The following IGF2R variants were observed in gnomAD, a reference collection of about 807,000 sequenced individuals.
IGF2R encodes the protein cation-independent mannose-6-phosphate receptor.
Under a neutral mutation model 270.6 loss-of-function variants are expected in IGF2R, and 91 were observed. The ratio of observed to expected loss-of-function variants is 0.34; its 90% confidence interval spans 0.28 to 0.40. The LOEUF (loss-of-function observed/expected upper bound fraction) is 0.40, where lower values mean the gene tolerates loss of function less well. Ranked by LOEUF, IGF2R falls within the 10% of genes least tolerant of loss-of-function variation. IGF2R has a pLI of 1.00. For missense variants in IGF2R, 2,805 were observed against 3,188.3 expected (o/e 0.88, Z 2.90); for synonymous variants, 1,316 against 1,258.9 (o/e 1.05, Z -0.96).
intron 35 of IGF2R, 86 bp downstream of exon 35, chr6:160,074,061 A>G: frequency 4.4e-6 from 4 of 902,646 alleles, no homozygotes; most frequent in Non-Finnish European, 7.0e-6. Context: ...TTCAGTGGGG[A>G]GTTGCTCAAG....
Position 160,089,096 on chromosome 6 carries a change from C to T in IGF2R, c.6321-11C>T, listed in dbSNP as rs1368810832. ...GGGAAGTGACTGTAGCCTGTGCTTC[C>T]CTCCTCCTAGGTTTGATATCGACAG... On this transcript the variant is annotated splice_polypyrimidine_tract_variant and intron_variant, in intron 42 of 47. Coordinates refer to ENST00000356956, the MANE Select transcript of IGF2R (RefSeq NM_000876.4). 6.2e-7 allele frequency: 1 copy of T among 1,610,026 alleles called. No homozygotes were observed. Among genetic ancestry groups the T allele is most frequent in the East Asian group, 2.2e-5 (1 of 44,730 alleles).
At chr6:160,049,898 C>T (rs572991473) in intron 18 of IGF2R, among the ~76,000 whole-genome samples, 12 of 152,134 alleles carry the variant, frequency 7.9e-5, no homozygotes, top group African/African-American at 2.2e-4. Context: ...GTAGGGCAGG[C>T]GAATGAGGAG....
intron 13 of IGF2R, 149 bp from the exon 14 acceptor site, chr6:160,045,596 G>A (rs1778050812): frequency 2.3e-6 from 2 of 854,530 alleles, no homozygotes; most frequent in Non-Finnish European, 3.9e-6. Flanking sequence ...GAATGCTACA[G>A]TATTTGTAGG....
At chr6:160,012,316 CAG>C (rs747627270) in intron 4 of IGF2R, among the ~76,000 whole-genome samples, 3 of 152,076 alleles carry the variant, frequency 2.0e-5, no homozygotes, top group Non-Finnish European at 1.5e-5. Context: ...GGTGGGAGCA[CAG>C]TGTGTTCATT....
intron 1 of IGF2R, among the ~76,000 whole-genome samples, chr6:159,978,010 T>C (rs1399288607): frequency 6.6e-6 from 1 of 152,178 alleles, no homozygotes; most frequent in Non-Finnish European, 1.5e-5. Context: ...GTGGTAGCAG[T>C]TGCTTTATCT....
At position 160,089,932 on chromosome 6, in the gene IGF2R, G is replaced by A; in HGVS notation, c.6484G>A (p.Gly2162Arg). Residue 2162 changes from glycine (G) to arginine (R), a missense_variant, in exon 44 of 48, where the codon GGG (glycine) becomes AGG (arginine). Physicochemically the swap from Gly to Arg is moderately radical, Grantham distance 125. This residue lies in a region of IGF2R where 1,851 missense variants were observed against 2,207.2 expected (regional missense o/e 0.84). Transcript: ENST00000356956. ...TCTCTTCAGGCTGTTCAGAGCCTCTGGGGACATGAGGACCAATGGGGACAA... is the reference window on the plus strand; with the variant it reads ...TCTCTTCAGGCTGTTCAGAGCCTCTAGGGACATGAGGACCAATGGGGACAA... ...DIYFKLFRAS[G>R]DMRTNGDNYL... The A allele has an allele frequency of 6.3e-7, 1 of 1,587,338 alleles. No individual in the cohort carries two copies. Among genetic ancestry groups the A allele is most frequent in the South Asian group, 1.2e-5 (1 of 86,826 alleles).
rs544961223 is a variant in IGF2R at position 160,068,210 on chromosome 6, C to T, written c.4116-39C>T. On this transcript the variant is annotated intron_variant, in intron 29 of 47. Coordinates refer to ENST00000356956, the MANE Select transcript of IGF2R (RefSeq NM_000876.4). ...GAGTGCCCAATGTTTAAAGAGAATA[C>T]GACCAAGCCTAACTAACTGCGGGTT... is the stretch of plus-strand genomic sequence containing the variant. 1.7e-5 allele frequency: 28 copies of T among 1,605,652 alleles called. No homozygotes were observed. In the South Asian group the frequency reaches 2.1e-4, roughly 12 times the overall value.
chr6:160,039,210 C>T (rs898788977), intron 10 of IGF2R, among the ~76,000 whole-genome samples: 1 of 152,180 alleles, frequency 6.6e-6, no homozygotes, highest in Non-Finnish European at 1.5e-5. Context: ...CCTATTGGCT[C>T]CTGGGCTACA....
rs1308047456 is a variant in IGF2R, at chr6:160,106,777, C to T, written c.*1693C>T. The T allele has an allele frequency of 2.0e-5, 3 of 152,184 alleles. No homozygotes were observed. The highest frequency in any genetic ancestry group is 4.4e-5 in the Non-Finnish European group (3 of 68,044). 9.4% of individuals were successfully genotyped at this position (152,184 alleles called of 1,614,324 possible). On this transcript the variant is annotated 3_prime_UTR_variant, in exon 48 of 48. Transcript: ENST00000356956. ...CCTTGGCTCTTTCTAGATCCGATTT[C>T]TTTACCTTCTCCAGGCCAACCTCGG...
chr6:159,990,739 C>T (rs1461894287), intron 1 of IGF2R, among the ~76,000 whole-genome samples: 1 of 152,132 alleles, frequency 6.6e-6, no homozygotes, highest in African/African-American at 2.4e-5. Context: ...AAGCAGTTCT[C>T]CTGCCTCACC....
At chr6:160,055,618 G>A (rs553398625) in intron 19 of IGF2R, among the ~76,000 whole-genome samples, 2 of 152,246 alleles carry the variant, frequency 1.3e-5, no homozygotes, top group African/African-American at 4.8e-5. Flanking sequence ...AGCCCTTGAC[G>A]GCCAAGGGTG....
At chr6:160,012,177 G>A (rs932072686) in intron 4 of IGF2R, among the ~76,000 whole-genome samples, 2 of 152,222 alleles carry the variant, frequency 1.3e-5, no homozygotes, top group African/African-American at 4.8e-5. Flanking sequence ...AAGAATTAAG[G>A]CTGATATTTA....
chr6:160,016,827 T>C (rs1051161271), intron 4 of IGF2R, among the ~76,000 whole-genome samples: 3 of 152,226 alleles, frequency 2.0e-5, no homozygotes, highest in African/African-American at 7.2e-5. Flanking sequence ...AATAAAACTA[T>C]GCAACATACA....
intron 39 of IGF2R, among the ~76,000 whole-genome samples, chr6:160,081,991 G>A (rs1047768334): frequency 2.6e-5 from 4 of 152,196 alleles, no homozygotes; most frequent in South Asian, 2.1e-4. Context: ...CTCAGCTTAC[G>A]AAGATGATGG....
chr6:160,072,151 G>A, intron 32 of IGF2R, 115 bp downstream of exon 32: 1 of 1,326,628 alleles, frequency 7.5e-7, no homozygotes, highest in South Asian at 1.3e-5. Flanking sequence ...GGCGCCCTGG[G>A]CAGAGGTGTC....
intron 29 of IGF2R, 148 bp from the exon 30 acceptor site, chr6:160,068,101 T>A (rs1435356279): frequency 9.5e-6 from 6 of 631,990 alleles, no homozygotes; most frequent in Non-Finnish European, 1.7e-5. Context: ...TGTGTGTGTG[T>A]GTGTGTGACA....
intron 1 of IGF2R, among the ~76,000 whole-genome samples, chr6:159,979,100 G>A (rs1473081495): frequency 6.6e-6 from 1 of 152,166 alleles, no homozygotes; most frequent in East Asian, 1.9e-4. Flanking sequence ...TGCTGTTAGG[G>A]CTGCCACCTT....
At chr6:160,070,181 C>A in intron 31 of IGF2R, 123 bp downstream of exon 31, 1 of 933,338 alleles carries the variant, frequency 1.1e-6, no homozygotes, top group Non-Finnish European at 1.6e-6. Flanking sequence ...GGATGATGCG[C>A]CCTTACCAGA....
chr6:160,035,580 C>T (rs774359980), intron 10 of IGF2R, among the ~76,000 whole-genome samples: 8 of 152,258 alleles, frequency 5.3e-5, no homozygotes, highest in Non-Finnish European at 2.9e-5. Context: ...GCACCTGCCC[C>T]TGGGATGCCC....
Sources: gnomAD v4.1 joint callset for allele counts (sites outside exome capture counted in the v4.1 genomes callset) on GRCh38, gnomAD v4.1.1 for gene constraint, gnomAD v4.1.1 regional missense constraint, MANE v1.5 for transcripts, NCBI Gene and HGNC (gene_info 2026-07-23, HGNC 2026-07-21) for gene names.